POLN: variants seen among roughly 807,000 people sequenced by gnomAD.
POLN encodes the protein DNA polymerase N.
Under a neutral mutation model 113.5 loss-of-function variants are expected in POLN, and 108 were observed. The ratio of observed to expected loss-of-function variants is 0.95; its 90% confidence interval spans 0.81 to 1.12. The LOEUF (loss-of-function observed/expected upper bound fraction) is 1.12. Among genes scored for constraint, POLN ranks in the 50% most tolerant of loss-of-function variants. The pLI, the probability that POLN is intolerant of heterozygous loss-of-function variation, is 0.00. For synonymous variants in POLN, 386 were observed against 391.5 expected (o/e 0.99, Z 0.17); for missense variants, 1,097 against 1,077.1 (o/e 1.02, Z -0.26).
At chr4:2,148,314 T>C (rs549799825) in intron 16 of POLN, among the ~76,000 whole-genome samples, 1 of 152,182 alleles carries the variant, frequency 6.6e-6, no homozygotes, top group East Asian at 1.9e-4. Context: ...CAAATTGACC[T>C]AATATATGTA....
At position 2,127,010 on chromosome 4, in the gene POLN, C is replaced by T. The variant is rs1207391979; in HGVS notation, c.1982+1103G>A. ...CCCCTCACCCGCTTAGGACTCTGCT[C>T]CTCTGACTTCTCCGATCCCCATGAT... On this transcript the variant is annotated intron_variant, in intron 19 of 25. Transcript: ENST00000511885. This position sits in a 1 kb window ranked among gnomAD's most constrained non-coding sequence, Gnocchi z 4.7. Among the ~76,000 whole-genome samples, 1 of 152,050 alleles carries T rather than the reference C, an allele frequency of 6.6e-6. No homozygotes were observed. The highest frequency in any genetic ancestry group is 2.4e-5 in the African/African-American group (1 of 41,378).
At chr4:2,187,107 T>C (rs756235164) in intron 7 of POLN, among the ~76,000 whole-genome samples, 1 of 152,102 alleles carries the variant, frequency 6.6e-6, no homozygotes, top group African/African-American at 2.4e-5. Flanking sequence ...AGGACACCTA[T>C]AAGATATAGA....
At position 2,129,342 on chromosome 4, in the gene POLN, A is replaced by T; in HGVS notation, c.1790-86T>A. ...CTCAATACAATATTATTTGAATATT[A>T]TTCTGAAGTCCAGAGTTAAGATTTT... On this transcript the variant is annotated intron_variant, in intron 17 of 25. Transcript: ENST00000511885. The T allele has an allele frequency of 3.5e-6, 3 of 848,376 alleles. No homozygotes were observed. In the South Asian group the frequency reaches 4.5e-5, roughly 13 times the overall value. 52.6% of individuals were successfully genotyped at this position (848,376 alleles called of 1,614,324 possible).
At chr4:2,172,825 A>C (rs1732897221) in intron 11 of POLN, among the ~76,000 whole-genome samples, 1 of 152,010 alleles carries the variant, frequency 6.6e-6, no homozygotes, top group South Asian at 2.1e-4. Context: ...GCCCACAGAA[A>C]CCTGTGCCCA....
At chr4:2,120,554 C>T (rs369631503) in intron 19 of POLN, among the ~76,000 whole-genome samples, 14 of 151,710 alleles carry the variant, frequency 9.2e-5, no homozygotes, top group East Asian at 5.8e-4. Flanking sequence ...AGTGTAGTGG[C>T]GCGATCTCAG....
chr4:2,145,735 G>C (rs1327562177), intron 16 of POLN, among the ~76,000 whole-genome samples: 1 of 152,216 alleles, frequency 6.6e-6, no homozygotes, highest in Non-Finnish European at 1.5e-5. Context: ...AGGGTGTTTA[G>C]TGATGTCAGG....
chr4:2,229,316 T>C (rs1278106334), intron 2 of POLN, 73 bp from the exon 3 acceptor site: 2 of 1,226,438 alleles, frequency 1.6e-6, no homozygotes, highest in African/African-American at 3.2e-5. Flanking sequence ...ATACAATTAT[T>C]TTCAAAAATT....
At chr4:2,177,439 C>A (rs1244872073) in intron 8 of POLN, among the ~76,000 whole-genome samples, 6 of 152,210 alleles carry the variant, frequency 3.9e-5, no homozygotes, top group African/African-American at 1.2e-4. Context: ...AATGGTGTAA[C>A]CTGTGATCTG....
Position 2,241,535 on chromosome 4 carries a change from G to T in POLN, c.-28C>A, listed in dbSNP as rs1046207855. ...AAATATTTACCTCAACGTCTCGCCGGGCAAGGCTCCACCTCCAGAGTCCAC... is the reference window on the plus strand; with the variant it reads ...AAATATTTACCTCAACGTCTCGCCGTGCAAGGCTCCACCTCCAGAGTCCAC... On this transcript the variant is annotated 5_prime_UTR_variant, in exon 2 of 26. Coordinates refer to ENST00000511885, the MANE Select transcript of POLN (RefSeq NM_181808.4). The T allele has an allele frequency of 1.0e-6, 1 of 985,734 alleles. No individual in the cohort carries two copies. The highest frequency in any genetic ancestry group is 6.1e-5 in the Admixed American group (1 of 16,276). The allele number at this position is 985,734 out of a possible 1,614,324, so 61.1% of individuals were successfully genotyped here.
intron 4 of POLN, among the ~76,000 whole-genome samples, chr4:2,210,963 A>AAATT (rs764046913): frequency 6.7e-6 from 1 of 149,272 alleles, no homozygotes; most frequent in Non-Finnish European, 1.5e-5. Flanking sequence ...ATAAATAAAT[A>AAATT]AAATAGTCCA....
At chr4:2,161,788 C>T (rs1204095165) in intron 13 of POLN, among the ~76,000 whole-genome samples, 2 of 152,192 alleles carry the variant, frequency 1.3e-5, no homozygotes, top group Non-Finnish European at 2.9e-5. Flanking sequence ...TGTAAATACA[C>T]CAATCGGCAC....
chr4:2,124,676 G>A (rs1011858878), intron 19 of POLN, among the ~76,000 whole-genome samples: 3 of 152,138 alleles, frequency 2.0e-5, no homozygotes, highest in Non-Finnish European at 4.4e-5. Context: ...TCCCAGGAGC[G>A]GGGGCACAGA....
intron 19 of POLN, among the ~76,000 whole-genome samples, chr4:2,104,952 GCA>G (rs1190687146): frequency 1.3e-5 from 2 of 152,168 alleles, no homozygotes; most frequent in Non-Finnish European, 2.9e-5. Flanking sequence ...ACAGGTGGGG[GCA>G]CACACATGCA....
chr4:2,130,380 C>A (rs889994472), intron 17 of POLN, among the ~76,000 whole-genome samples: 5 of 152,160 alleles, frequency 3.3e-5, no homozygotes, highest in Non-Finnish European at 7.4e-5. Context: ...CCTTCCTGCA[C>A]AGCAGGGCCC....
At chr4:2,074,217 T>C (rs1057127478) in intron 24 of POLN, among the ~76,000 whole-genome samples, 4 of 152,146 alleles carry the variant, frequency 2.6e-5, no homozygotes, top group African/African-American at 9.7e-5. Context: ...GCGCTCCCTG[T>C]GGGGCCCTCG....
chr4:2,119,025 C>T (rs1731381064), intron 19 of POLN, among the ~76,000 whole-genome samples: 1 of 152,206 alleles, frequency 6.6e-6, no homozygotes, highest in Non-Finnish European at 1.5e-5. Flanking sequence ...GGTACGGAAG[C>T]ACCATCTTCC....
chr4:2,129,081 T>G (rs924571948), intron 18 of POLN, 98 bp downstream of exon 18: 1 of 826,124 alleles, frequency 1.2e-6, no homozygotes, highest in Non-Finnish European at 1.8e-6. Context: ...AAAAAAGAAT[T>G]TATTTGAAAG....
At chr4:2,231,059 G>T (rs145650052) in intron 2 of POLN, 1 of 152,312 alleles carries the variant, frequency 6.6e-6, no homozygotes, top group Non-Finnish European at 1.5e-5. Flanking sequence ...CAGCTGTCTT[G>T]TAGAAACTTT....
rs554729048 is a variant in POLN, at chr4:2,142,298, T to C, written c.1732-11008A>G. Among the ~76,000 whole-genome samples the C allele has an allele frequency of 3.3e-5, 5 of 152,320 alleles. No homozygotes were observed. In the South Asian group the frequency reaches 8.3e-4, roughly 25 times the overall value. On this transcript the variant is annotated intron_variant, in intron 16 of 25. Transcript: ENST00000511885. ...GCTGTAACTCCCTCTCCCTCTGAAG[T>C]AATAGAGGCCTCAGCCCTACTGGGC...
Sources: gnomAD v4.1 joint callset for allele counts (sites outside exome capture counted in the v4.1 genomes callset) on GRCh38, gnomAD v4.1.1 for gene constraint, Gnocchi (gnomAD v3.1) non-coding constraint, MANE v1.5 for transcripts, NCBI Gene and HGNC (gene_info 2026-07-23, HGNC 2026-07-21) for gene names.